Variants in CWC27 observed in about 807,000 individuals in gnomAD.
The protein encoded by CWC27 is CWC27 spliceosome associated cyclophilin, also known as spliceosome-associated protein CWC27 homolog.
In CWC27, 47 loss-of-function variants were observed where a neutral mutation model predicts 63.6. The ratio of observed to expected loss-of-function variants is 0.74; its 90% CI spans 0.58 to 0.94. The LOEUF is 0.94. CWC27 is among the 40% of genes least tolerant of loss of function. CWC27 has a pLI of 0.00. For missense variants in CWC27, 495 were observed against 554.3 expected (o/e 0.89, Z 1.07); for synonymous variants, 175 against 179.8 (o/e 0.97, Z 0.22).
chr5:64,846,020 C>G (rs577999367), intron 10 of CWC27, among the ~76,000 whole-genome samples: 1 of 152,264 alleles, frequency 6.6e-6, no homozygotes, highest in Non-Finnish European at 1.5e-5. Flanking sequence ...GACAATATGA[C>G]TATCAGCAGA....
At chr5:64,866,363 G>A (rs1746530935) in intron 10 of CWC27, among the ~76,000 whole-genome samples, 1 of 151,940 alleles carries the variant, frequency 6.6e-6, no homozygotes, top group South Asian at 2.1e-4. Context: ...ATAGTACCTA[G>A]CAGGAAAAAA....
chr5:64,801,844 A>C (rs1744500791), intron 9 of CWC27, among the ~76,000 whole-genome samples: 1 of 152,206 alleles, frequency 6.6e-6, no homozygotes. Flanking sequence ...AATACATAAG[A>C]GTCAAGTTTT....
intron 11 of CWC27, among the ~76,000 whole-genome samples, chr5:64,893,959 T>C (rs1314440375): frequency 6.7e-6 from 1 of 149,418 alleles, no homozygotes; most frequent in Non-Finnish European, 1.5e-5. Flanking sequence ...AGATGGAATC[T>C]CGCCCTGTTG....
chr5:64,909,628 T>A (rs1237396454), intron 11 of CWC27, among the ~76,000 whole-genome samples: 1 of 152,204 alleles, frequency 6.6e-6, no homozygotes, highest in Non-Finnish European at 1.5e-5. Context: ...GAGGCTTTGT[T>A]CGTTTCTTTT....
At chr5:64,874,464 G>T (rs762254661) in intron 10 of CWC27, among the ~76,000 whole-genome samples, 1 of 151,062 alleles carries the variant, frequency 6.6e-6, no homozygotes, top group Non-Finnish European at 1.5e-5. Flanking sequence ...GTGCCCAGCC[G>T]ATGCTTTTTT....
chr5:65,018,029 C>T lies in CWC27; in HGVS notation c.1257-130C>T, dbSNP rs150704219. On this transcript the variant is annotated intron_variant, in intron 13 of 13. Transcript: ENST00000381070. ...AGTTGGTTTCCATGTGGTGTAAGCA[C>T]CAGTAAACAACAAACCCATCTTGGT... The T allele has an allele frequency of 2.7e-4, 211 of 769,756 alleles. 2 individuals are homozygous for T. In the African/African-American group the frequency reaches 3.5e-3, roughly 13 times the overall value. The allele number at this position is 769,756 out of a possible 1,614,324, so 47.7% of individuals were successfully genotyped here.
At chr5:64,951,866 T>A (rs1748716853) in intron 11 of CWC27, among the ~76,000 whole-genome samples, 1 of 152,028 alleles carries the variant, frequency 6.6e-6, no homozygotes, top group Admixed American at 6.6e-5. Context: ...TATGTCTATA[T>A]CACATCTTAT....
chr5:64,854,377 T>C (rs1248117023), intron 10 of CWC27, among the ~76,000 whole-genome samples: 1 of 152,240 alleles, frequency 6.6e-6, no homozygotes. Context: ...CTGTTTTTCA[T>C]AGCAACTGCA....
intron 10 of CWC27, among the ~76,000 whole-genome samples, chr5:64,822,859 T>C (rs1745245832): frequency 1.3e-5 from 2 of 152,230 alleles, no homozygotes; most frequent in African/African-American, 4.8e-5. Context: ...TTTTACTTTT[T>C]ACAATTTGAA....
chr5:64,928,623 A>G (rs1281586185), intron 11 of CWC27, among the ~76,000 whole-genome samples: 2 of 152,160 alleles, frequency 1.3e-5, no homozygotes, highest in Non-Finnish European at 2.9e-5. Flanking sequence ...AACCATGGGA[A>G]TGATAAGCCA....
chr5:64,875,628 T>C (rs568809296), intron 10 of CWC27, among the ~76,000 whole-genome samples: 1 of 152,284 alleles, frequency 6.6e-6, no homozygotes, highest in East Asian at 1.9e-4. Flanking sequence ...GGGAATTTTG[T>C]AATTTTTAGT....
At chr5:64,976,578 G>A (rs909537175) in intron 12 of CWC27, among the ~76,000 whole-genome samples, 2 of 151,790 alleles carry the variant, frequency 1.3e-5, no homozygotes, top group African/African-American at 4.8e-5. Flanking sequence ...TGTTACCCAT[G>A]CTGGAGTGCA....
rs770804990 is a variant in CWC27 at position 64,789,031 on chromosome 5, A to C, written c.669+11A>C. ...AATCGAGTTAGTCAGGTAATCTCTA[A>C]TTTGCCCTTTGTTCTAACTTACAAA... On this transcript the variant is annotated intron_variant, in intron 7 of 13. Transcript: ENST00000381070. 6.3e-7 allele frequency: 1 copy of C among 1,590,758 alleles called. No individual in the cohort carries two copies. The highest frequency in any genetic ancestry group is 2.2e-5 in the East Asian group (1 of 44,536).
intron 11 of CWC27, among the ~76,000 whole-genome samples, chr5:64,957,764 A>G (rs186547879): frequency 6.6e-6 from 1 of 152,316 alleles, no homozygotes; most frequent in African/African-American, 2.4e-5. Flanking sequence ...CACACTGCCC[A>G]TGGGTTAACC....
chr5:64,952,525 G>C (rs1356074111), intron 11 of CWC27, among the ~76,000 whole-genome samples: 2 of 151,934 alleles, frequency 1.3e-5, no homozygotes, highest in Non-Finnish European at 2.9e-5. Flanking sequence ...TTAAGAGAAA[G>C]CATGGGGCCT....
chr5:64,893,629 A>T (rs942669923), intron 11 of CWC27, among the ~76,000 whole-genome samples: 1 of 152,222 alleles, frequency 6.6e-6, no homozygotes, highest in Non-Finnish European at 1.5e-5. Flanking sequence ...ACAATGCCAG[A>T]AAGAACAAAA....
chr5:64,797,426 T>G (rs1223945478), intron 7 of CWC27, among the ~76,000 whole-genome samples: 1 of 152,140 alleles, frequency 6.6e-6, no homozygotes, highest in Non-Finnish European at 1.5e-5. Flanking sequence ...GAGTCTACTG[T>G]AGTGGGAAGA....
At chr5:64,775,820 T>C (rs1470017769) in intron 2 of CWC27, among the ~76,000 whole-genome samples, 1 of 152,064 alleles carries the variant, frequency 6.6e-6, no homozygotes, top group Non-Finnish European at 1.5e-5. Flanking sequence ...ACATTACATA[T>C]GGTTTGGAAT....
chr5:64,823,318 C>T (rs927324528), intron 10 of CWC27, among the ~76,000 whole-genome samples: 5 of 152,142 alleles, frequency 3.3e-5, no homozygotes, highest in Non-Finnish European at 4.4e-5. Context: ...CCAACCATGG[C>T]GTATTTCAAA....
Sources: gnomAD v4.1 joint callset for allele counts (sites outside exome capture counted in the v4.1 genomes callset) on GRCh38, gnomAD v4.1.1 for gene constraint, MANE v1.5 for transcripts, NCBI Gene and HGNC (gene_info 2026-07-23, HGNC 2026-07-21) for gene names.